The following ZMIZ2 variants were observed in gnomAD, a reference collection of about 807,000 sequenced individuals.
The protein encoded by ZMIZ2 is zinc finger MIZ-type containing 2.
In ZMIZ2, 26 loss-of-function variants were observed where a neutral mutation model predicts 93.9. The ratio of observed to expected loss-of-function variants is 0.28; its 90% confidence interval spans 0.20 to 0.38. ZMIZ2 has a LOEUF of 0.38. ZMIZ2 is among the 10% of genes least tolerant of loss of function. ZMIZ2 has a pLI of 1.00. For missense variants in ZMIZ2, 1,023 were observed against 1,235.0 expected, an observed-to-expected ratio of 0.83 and a Z score of 2.57; for synonymous variants, 485 against 516.4, an observed-to-expected ratio of 0.94 and a Z score of 0.82.
rs368887424 is a variant in ZMIZ2 at position 44,757,560 on chromosome 7, C to T, written c.551C>T (p.Ala184Val). ...AGCCAGGAGCTGAGCCAGTATGGAG[C>T]GGTGAGCCCCCTCAGCAGCTCCTCC... Reference protein sequence around the residue: ...KQSQELSQYGAMGAGQSFNSQ... With the variant: ...KQSQELSQYGVMGAGQSFNSQ... The change falls in exon 5 of 19, where the codon GCG becomes GTG. Residue 184 changes from alanine to valine, a missense_variant and splice_region_variant. Physicochemically the swap from Ala to Val is moderately conservative, Grantham distance 64 (BLOSUM62 0). Around this residue, in one of 3 missense-constraint regions of ZMIZ2, gnomAD observed 656 missense variants for 777.1 expected, o/e 0.84. Coordinates refer to ENST00000309315, the MANE Select transcript of ZMIZ2 (RefSeq NM_031449.4). 309 of 1,589,550 alleles carry T rather than the reference C, an allele frequency of 1.9e-4. No individual in the cohort carries two copies. Among genetic ancestry groups the T allele is most frequent in the Non-Finnish European group, 2.5e-4 (288 of 1,165,498 alleles).
At chr7:44,757,215 G>A in intron 4 of ZMIZ2, 66 bp downstream of exon 4, 2 of 1,527,790 alleles carry the variant, frequency 1.3e-6, no homozygotes, top group Non-Finnish European at 1.7e-6. Context: ...CCTCAGAACT[G>A]TGGCGCTGAT....
chr7:44,766,285 C>T lies in ZMIZ2; in HGVS notation c.2364C>T (p.Pro788=). 7 of 1,599,890 alleles carry T rather than the reference C, an allele frequency of 4.4e-6. No individual in the cohort carries two copies. Among genetic ancestry groups the T allele is most frequent in the Non-Finnish European group, 6.0e-6 (7 of 1,173,172 alleles). The change falls in exon 17 of 19, where the codon CCC becomes CCT. Residue 788 remains proline (P), a synonymous_variant. Transcript: ENST00000309315. This position sits in a 1 kb window ranked among gnomAD's most constrained non-coding sequence, Gnocchi z 4.4. ...CCATCTCCTACCAGTCTGACATTCC[C>T]AGCAGCCTCCTGACTTCAGAGAAGT... The part of the protein sequence containing the change: ...PPPISYQSDI[P]SSLLTSEKST...
intron 14 of ZMIZ2, 88 bp from the exon 15 acceptor site, chr7:44,764,853 C>T: frequency 3.5e-6 from 5 of 1,429,606 alleles, no homozygotes; most frequent in Non-Finnish European, 4.8e-6. Flanking sequence ...TGCAGGGTCA[C>T]AGCTGACAGG....
At chr7:44,757,201 G>C in intron 4 of ZMIZ2, 52 bp downstream of exon 4, 1 of 1,548,636 alleles carries the variant, frequency 6.5e-7, no homozygotes, top group Non-Finnish European at 8.6e-7. Context: ...CAATCTGGCA[G>C]GCACCTCAGA....
rs1291531569 is a variant in ZMIZ2 at position 44,761,572 on chromosome 7, T to C, written c.1364T>C (p.Val455Ala). 6.2e-7 allele frequency: 1 copy of C among 1,613,850 alleles called. No individual in the cohort carries two copies. Among genetic ancestry groups the C allele is most frequent in the African/African-American group, 1.3e-5 (1 of 74,886 alleles). ...CATGTCTTCCAGCTGCGAGACTCAG[T>C]CTACAAGACCCTGATAATGAGGTGA... ...SNHVFQLRDSVYKTLIMRPDL... is the reference protein window; with the variant it reads ...SNHVFQLRDSAYKTLIMRPDL... Residue 455 changes from valine to alanine, a missense_variant, in exon 10 of 19, where the codon GTC becomes GCC. This residue lies in a region of ZMIZ2 where 656 missense variants were observed against 777.1 expected (regional missense o/e 0.84). Transcript: ENST00000309315. The surrounding 1 kb of genome is among the most constrained non-coding windows in gnomAD (Gnocchi z 5.8).
At position 44,756,417 on chromosome 7, in the gene ZMIZ2, C is replaced by A. The variant is rs750997126; in HGVS notation, c.51-8C>A. 2.5e-6 allele frequency: 4 copies of A among 1,614,034 alleles called. No individual in the cohort carries two copies. The South Asian group carries it at 4.4e-5, about 18-fold the overall frequency. On this transcript the variant is annotated splice_polypyrimidine_tract_variant and splice_region_variant and intron_variant, in intron 2 of 18. Coordinates refer to ENST00000309315, the MANE Select transcript of ZMIZ2 (RefSeq NM_031449.4). ...TGACCCAGGCCTCAGCAGCCTCTTTCCCTGCAGTGATGGTTCATTCGCATA... is the reference window on the plus strand; with the variant it reads ...TGACCCAGGCCTCAGCAGCCTCTTTACCTGCAGTGATGGTTCATTCGCATA...
At chr7:44,758,471 C>CAAAAAA (rs554628430) in intron 6 of ZMIZ2, among the ~76,000 whole-genome samples, 1 of 69,022 alleles carries the variant, frequency 1.4e-5, no homozygotes. Context: ...GACCCTGTTT[C>CAAAAAA]AAAAAAAAAA....
At chr7:44,759,851 A>G (rs762818284) in intron 7 of ZMIZ2, 11 of 501,660 alleles carry the variant, frequency 2.2e-5, no homozygotes, top group Middle Eastern at 5.1e-4. Context: ...CTGGCCATGT[A>G]CCCTTTCTGG....
chr7:44,755,748 C>T (rs1445403501), intron 1 of ZMIZ2, among the ~76,000 whole-genome samples: 2 of 152,220 alleles, frequency 1.3e-5, no homozygotes, highest in Non-Finnish European at 2.9e-5. Flanking sequence ...CCCTCACCTC[C>T]ACTGCCCTCT....
chr7:44,766,203 T>TGCCCCCC lies in ZMIZ2; in HGVS notation c.2282_2283insGCCCCCC (p.Phe761LeufsTer15). The TGCCCCCC allele has an allele frequency of 1.3e-6, 2 of 1,598,500 alleles. No individual in the cohort carries two copies. The highest frequency in any genetic ancestry group is 8.6e-7 in the Non-Finnish European group (1 of 1,167,522). Reference sequence around the variant, plus strand: ...GGGCCTGGAACTTTCCCTGAGTCCTTCCCACCCACCACGCCCAGCACCCCA... The same window carrying TGCCCCCC: ...GGGCCTGGAACTTTCCCTGAGTCCTTGCCCCCCCCCACCCACCACGCCCAGCACCCCA... On this transcript the variant is annotated frameshift_variant, in exon 17 of 19. Transcript: ENST00000309315. LOFTEE classifies it high-confidence loss of function. The surrounding 1 kb of genome is among the most constrained non-coding windows in gnomAD (Gnocchi z 4.4).
intron 13 of ZMIZ2, 74 bp from the exon 14 acceptor site, chr7:44,764,345 G>T (rs79784917): frequency 0.12 from 166,488 of 1,402,518 alleles, 10,949 homozygotes; most frequent in Admixed American, 0.16. Flanking sequence ...TTCCTGAAAA[G>T]GGATTGCAGA....
At chr7:44,757,742 G>C (rs1327118087) in intron 5 of ZMIZ2, 106 bp from the exon 6 acceptor site, 4 of 1,266,208 alleles carry the variant, frequency 3.2e-6, no homozygotes, top group Non-Finnish European at 4.2e-6. Context: ...GGGGTGTCCT[G>C]TGAAAGGGTA....
At chr7:44,754,822 G>A (rs1393987972) in intron 1 of ZMIZ2, among the ~76,000 whole-genome samples, 1 of 152,188 alleles carries the variant, frequency 6.6e-6, no homozygotes, top group Non-Finnish European at 1.5e-5. Context: ...AGCATGCCTG[G>A]GGACTCCTGA....
chr7:44,760,145 C>T lies in ZMIZ2; in HGVS notation c.994-6C>T, dbSNP rs1367787549. ...CCCCAGGTGCATGCAGTTTTCTCTC[C>T]CGCAGCCCACAGAGCAGTTCAACGG... On this transcript the variant is annotated splice_polypyrimidine_tract_variant and splice_region_variant and intron_variant, in intron 7 of 18. Transcript: ENST00000309315. 1.9e-6 allele frequency: 3 copies of T among 1,613,796 alleles called. No homozygotes were observed. The highest frequency in any genetic ancestry group is 1.3e-5 in the African/African-American group (1 of 74,894).
intron 1 of ZMIZ2, 113 bp from the exon 2 acceptor site, chr7:44,756,075 G>A: frequency 2.5e-6 from 2 of 800,980 alleles, no homozygotes; most frequent in Non-Finnish European, 2.0e-6. Context: ...TCAGAGCCCA[G>A]GGGTCCCTTA....
chr7:44,767,554 C>G lies in ZMIZ2; in HGVS notation c.2694C>G (p.Ser898=). ...PELTNPDELL[S]YLGPPDLPTN... Reference sequence around the variant, plus strand: ...TGACCAACCCTGATGAGCTACTGTCCTACTTGGGCCCACCCGACCTCCCTA... The same window carrying G: ...TGACCAACCCTGATGAGCTACTGTCGTACTTGGGCCCACCCGACCTCCCTA... Residue 898 remains serine, a synonymous_variant, in exon 19 of 19, where the codon TCC becomes TCG. Coordinates refer to ENST00000309315, the MANE Select transcript of ZMIZ2 (RefSeq NM_031449.4). 6.2e-7 allele frequency: 1 copy of G among 1,614,132 alleles called. No homozygotes were observed. The highest frequency in any genetic ancestry group is 8.5e-7 in the Non-Finnish European group (1 of 1,180,018).
At chr7:44,755,321 C>T (rs1279139425) in intron 1 of ZMIZ2, among the ~76,000 whole-genome samples, 1 of 152,124 alleles carries the variant, frequency 6.6e-6, no homozygotes, top group Non-Finnish European at 1.5e-5. Flanking sequence ...GGGTGCCCAC[C>T]CTCCATCTAT....
chr7:44,759,085 A>AAT, intron 6 of ZMIZ2, among the ~76,000 whole-genome samples, 196 bp from the exon 7 acceptor site: 1 of 25,648 alleles, frequency 3.9e-5, no homozygotes, highest in Middle Eastern at 0.013. Context: ...GTCTCAAATT[A>AAT]AAAAAAAAAA....
chr7:44,757,195 C>T (rs1303915591), intron 4 of ZMIZ2, 46 bp downstream of exon 4: 5 of 1,552,782 alleles, frequency 3.2e-6, no homozygotes, highest in East Asian at 4.7e-5. Flanking sequence ...AGCCATCAAT[C>T]TGGCAGGCAC....
Sources: gnomAD v4.1 joint callset for allele counts (sites outside exome capture counted in the v4.1 genomes callset) on GRCh38, gnomAD v4.1.1 for gene constraint, gnomAD v4.1.1 regional missense constraint, Gnocchi (gnomAD v3.1) non-coding constraint, MANE v1.5 for transcripts, NCBI Gene and HGNC (gene_info 2026-07-23, HGNC 2026-07-21) for gene names.